SNTB1: variants seen among roughly 807,000 people sequenced by gnomAD.
SNTB1 encodes beta-1-syntrophin.
A neutral mutation model predicts 48.9 loss-of-function variants in SNTB1; 36 were observed. The observed-to-expected ratio is 0.74, with a 90% CI of 0.56 to 0.97. The LOEUF (loss-of-function observed/expected upper bound fraction) is 0.97. SNTB1 is among the 50% of genes least tolerant of loss of function. The pLI is 0.00. For synonymous variants in SNTB1, 299 were observed against 294.6 expected (o/e 1.01, Z -0.15); for missense variants, 786 against 703.4 (o/e 1.12, Z -1.33).
intron 1 of SNTB1, among the ~76,000 whole-genome samples, chr8:120,766,601 G>T (rs1228418087): frequency 1.3e-5 from 2 of 152,012 alleles, no homozygotes; most frequent in Non-Finnish European, 1.5e-5. Context: ...CCAATCATAT[G>T]CCAATTATAT....
chr8:120,618,528 G>A (rs1231893755), intron 3 of SNTB1, among the ~76,000 whole-genome samples: 1 of 152,152 alleles, frequency 6.6e-6, no homozygotes, highest in Non-Finnish European at 1.5e-5. Flanking sequence ...CATATTGTAT[G>A]TGCTCAATAG....
chr8:120,634,174 G>A (rs1392887675), intron 2 of SNTB1, among the ~76,000 whole-genome samples: 2 of 152,054 alleles, frequency 1.3e-5, no homozygotes, highest in African/African-American at 2.4e-5. Flanking sequence ...ATTCATTCAC[G>A]TATATATGCA....
intron 2 of SNTB1, among the ~76,000 whole-genome samples, chr8:120,645,081 A>G (rs939285532): frequency 6.8e-5 from 10 of 148,060 alleles, no homozygotes; most frequent in Non-Finnish European, 1.5e-4. Flanking sequence ...TCAGATGAGT[A>G]GGTTGCGAAA....
intron 1 of SNTB1, among the ~76,000 whole-genome samples, chr8:120,795,619 G>A (rs1014199261): frequency 1.3e-5 from 2 of 151,966 alleles, no homozygotes; most frequent in Non-Finnish European, 2.9e-5. Context: ...TCCTACAGTG[G>A]GTGTTGGTTT....
intron 1 of SNTB1, among the ~76,000 whole-genome samples, chr8:120,700,731 C>T (rs895781633): frequency 6.6e-6 from 1 of 152,114 alleles, no homozygotes; most frequent in Admixed American, 6.5e-5. Context: ...TCCAAGTTGC[C>T]ACAACTAAAT....
At chr8:120,545,453 T>C (rs965138101) in intron 5 of SNTB1, among the ~76,000 whole-genome samples, 1 of 152,198 alleles carries the variant, frequency 6.6e-6, no homozygotes, top group Admixed American at 6.5e-5. Context: ...TGGAATCTTG[T>C]TAAATGCAAA....
chr8:120,797,546 C>CTTGTTTTTTT (rs1820140841), intron 1 of SNTB1, among the ~76,000 whole-genome samples: 1 of 69,088 alleles, frequency 1.4e-5, no homozygotes, highest in Non-Finnish European at 2.6e-5. Flanking sequence ...ACTTGTTTCT[C>CTTGTTTTTTT]TTTTTTTTTT....
Position 120,749,067 on chromosome 8 carries a change from T to C in SNTB1, c.572-55159A>G, listed in dbSNP as rs368180894. The stretch of plus-strand genomic sequence containing the variant: ...TCATATAAATCTAAATTATAAAAAA[T>C]TATAATGACTTATAACAGTGGTTAT... On this transcript the variant is annotated intron_variant, in intron 1 of 6. Coordinates refer to ENST00000517992, the MANE Select transcript of SNTB1 (RefSeq NM_021021.4). 8.5e-5 allele frequency among the ~76,000 whole-genome samples: 13 copies of C among 152,312 alleles called. No individual in the cohort carries two copies. The East Asian group carries it at 2.5e-3, about 29-fold the overall frequency.
chr8:120,678,065 G>C (rs1587082785), intron 2 of SNTB1, among the ~76,000 whole-genome samples: 1 of 152,280 alleles, frequency 6.6e-6, no homozygotes, highest in East Asian at 1.9e-4. Flanking sequence ...AGATCTGGGA[G>C]AGGGTTTTAT....
intron 1 of SNTB1, among the ~76,000 whole-genome samples, chr8:120,731,116 G>A (rs1293632901): frequency 6.6e-6 from 1 of 151,830 alleles, no homozygotes; most frequent in African/African-American, 2.4e-5. Flanking sequence ...GTGAGACTTT[G>A]TCTCAAAAAA....
chr8:120,661,057 T>C (rs1325655528), intron 2 of SNTB1, among the ~76,000 whole-genome samples: 6 of 152,000 alleles, frequency 3.9e-5, no homozygotes, highest in Non-Finnish European at 7.4e-5. Flanking sequence ...CCATAATAGA[T>C]ACAAAATAAT....
intron 1 of SNTB1, among the ~76,000 whole-genome samples, chr8:120,751,503 A>G (rs545882080): frequency 2.6e-5 from 4 of 152,218 alleles, no homozygotes; most frequent in African/African-American, 9.6e-5. Flanking sequence ...ATCTGTCCCC[A>G]TGATCATTTC....
rs1468394441 is a variant in SNTB1 at position 120,538,799 on chromosome 8, A to G, written c.*78T>C. 4.3e-6 allele frequency: 5 copies of G among 1,157,162 alleles called. No homozygotes were observed. Among genetic ancestry groups the G allele is most frequent in the African/African-American group, 1.5e-5 (1 of 66,116 alleles). 71.7% of individuals were successfully genotyped at this position (1,157,162 alleles called of 1,614,324 possible). A position where few individuals can be genotyped will look rare whatever the true frequency, so the allele number is the denominator to read the frequency against. On this transcript the variant is annotated 3_prime_UTR_variant, in exon 7 of 7. Coordinates refer to ENST00000517992, the MANE Select transcript of SNTB1 (RefSeq NM_021021.4). ...GCACGCTACATCTGGTGCGCTGCTC[A>G]CTACAGATGGTGTCTGACATCACGT...
chr8:120,646,086 G>A (rs1361757274), intron 2 of SNTB1, among the ~76,000 whole-genome samples: 2 of 147,688 alleles, frequency 1.4e-5, no homozygotes, highest in Non-Finnish European at 3.0e-5. Flanking sequence ...GGGTTTTCTA[G>A]ATATACAATC....
At position 120,662,111 on chromosome 8, in the gene SNTB1, T is replaced by C. The variant is rs577715502; in HGVS notation, c.789-29460A>G. The stretch of plus-strand genomic sequence containing the variant: ...TTGCTCAAAGACACTTTCACCTCTT[T>C]TGTAGATAGCAATAATCATTTTCAT... On this transcript the variant is annotated intron_variant, in intron 2 of 6. Coordinates refer to ENST00000517992, the MANE Select transcript of SNTB1 (RefSeq NM_021021.4). 2.6e-5 allele frequency among the ~76,000 whole-genome samples: 4 copies of C among 152,300 alleles called. No homozygotes were observed. In the South Asian group the frequency reaches 8.3e-4, roughly 32 times the overall value.
At chr8:120,588,562 C>A (rs1318537984) in intron 3 of SNTB1, among the ~76,000 whole-genome samples, 2 of 151,602 alleles carry the variant, frequency 1.3e-5, no homozygotes, top group Admixed American at 1.3e-4. Flanking sequence ...TTCCTGGCAG[C>A]AAGGAGGGAG....
At position 120,811,673 on chromosome 8, in the gene SNTB1, G is replaced by A. The variant is rs1475986662; in HGVS notation, c.171C>T (p.Tyr57=). The A allele has an allele frequency of 1.3e-6, 2 of 1,592,634 alleles. No homozygotes were observed. The highest frequency in any genetic ancestry group is 2.2e-5 in the South Asian group (2 of 89,042). ...CATTGGTGGCGGTCCCGATGCCGTT[G>A]TACGCCGCAGCGCCCTCCTCGCTGC... The part of the protein sequence containing the change: ...VLSSEEGAAA[Y]NGIGTATNGS... The change falls in exon 1 of 7, where the codon TAC becomes TAT. Residue 57 remains tyrosine (Y), a synonymous_variant. Coordinates refer to ENST00000517992, the MANE Select transcript of SNTB1 (RefSeq NM_021021.4).
At chr8:120,751,327 T>A (rs967597993) in intron 1 of SNTB1, among the ~76,000 whole-genome samples, 3 of 152,140 alleles carry the variant, frequency 2.0e-5, no homozygotes, top group Admixed American at 6.6e-5. Flanking sequence ...AAGGAAGGAA[T>A]TTCTGACACG....
At chr8:120,681,296 G>C (rs1245066995) in intron 2 of SNTB1, among the ~76,000 whole-genome samples, 1 of 152,146 alleles carries the variant, frequency 6.6e-6, no homozygotes, top group Non-Finnish European at 1.5e-5. Context: ...CCAGTAAAAA[G>C]ACAGTAAAGG....
Sources: gnomAD v4.1 joint callset for allele counts (sites outside exome capture counted in the v4.1 genomes callset) on GRCh38, gnomAD v4.1.1 for gene constraint, MANE v1.5 for transcripts, NCBI Gene and HGNC (gene_info 2026-07-23, HGNC 2026-07-21) for gene names.